Variants in MEI1 observed in about 807,000 individuals in gnomAD.
MEI1 encodes meiosis inhibitor protein 1.
MEI1 carries 103 observed loss-of-function variants against 146.2 expected under a neutral mutation model. The observed-to-expected ratio is 0.70, with a 90% CI of 0.60 to 0.83. The LOEUF is 0.83. Among genes scored for constraint, MEI1 ranks in the 40% least tolerant of loss-of-function variants. MEI1 has a pLI of 0.00. For missense variants in MEI1, 1,529 were observed against 1,533.0 expected, an observed-to-expected ratio of 1.00 and a Z score of 0.04; for synonymous variants, 652 against 628.2, an observed-to-expected ratio of 1.04 and a Z score of -0.57.
chr22:41,751,890 T>G (rs2073779028), intron 15 of MEI1, among the ~76,000 whole-genome samples: 1 of 150,310 alleles, frequency 6.7e-6, no homozygotes, highest in Admixed American at 6.6e-5. Flanking sequence ...GCCAACATGG[T>G]GAAACCCCAT....
At chr22:41,717,947 G>A (rs2070365158) in intron 5 of MEI1, 124 bp from the exon 6 acceptor site, 1 of 803,452 alleles carries the variant, frequency 1.2e-6, no homozygotes, top group South Asian at 2.1e-5. Context: ...CATGCAGAAA[G>A]CATTTTTTGT....
At chr22:41,725,411 C>T (rs1042966653) in intron 7 of MEI1, among the ~76,000 whole-genome samples, 13 of 152,096 alleles carry the variant, frequency 8.5e-5, no homozygotes, top group African/African-American at 2.7e-4. Flanking sequence ...CAGGCCCAGC[C>T]GTAAATTCTT....
rs774358119 is a variant in MEI1, at chr22:41,699,507, G to C, written c.-32G>C. 6.3e-7 allele frequency: 1 copy of C among 1,589,930 alleles called. No individual in the cohort carries two copies. The highest frequency in any genetic ancestry group is 8.6e-7 in the Non-Finnish European group (1 of 1,168,214). ...GCATGCGTGCAGTCTGCGCGGGAAA[G>C]AGTGCCGCCTCAGCTGAGGGCAAGC... On this transcript the variant is annotated 5_prime_UTR_variant, in exon 1 of 31. Coordinates refer to ENST00000401548, the MANE Select transcript of MEI1 (RefSeq NM_152513.4).
intron 7 of MEI1, among the ~76,000 whole-genome samples, chr22:41,728,981 T>C (rs1362052381): frequency 1.3e-5 from 2 of 151,616 alleles, no homozygotes; most frequent in Non-Finnish European, 2.9e-5. Flanking sequence ...CTGGCCAATA[T>C]GGTGAAACCC....
chr22:41,747,001 T>A (rs536711379), intron 14 of MEI1, among the ~76,000 whole-genome samples: 1 of 152,258 alleles, frequency 6.6e-6, no homozygotes, highest in African/African-American at 2.4e-5. Context: ...TCCTTCTTTC[T>A]ACTTTTCTGT....
intron 4 of MEI1, among the ~76,000 whole-genome samples, chr22:41,715,571 A>G (rs2070064932): frequency 6.6e-6 from 1 of 151,510 alleles, no homozygotes; most frequent in Non-Finnish European, 1.5e-5. Context: ...AATTTTTTGT[A>G]CTTTTAGTAG....
Position 41,745,026 on chromosome 22 carries a change from C to G in MEI1, c.1500C>G (p.Phe500Leu), listed in dbSNP as rs749285153. 4 of 1,565,928 alleles carry G rather than the reference C, an allele frequency of 2.6e-6. No individual in the cohort carries two copies. Among genetic ancestry groups the G allele is most frequent in the Non-Finnish European group, 3.5e-6 (4 of 1,154,668 alleles). The change falls in exon 13 of 31, where the codon TTC becomes TTG. Residue 500 changes from phenylalanine to leucine, a missense_variant. Phe to Leu is a conservative substitution (Grantham distance 22). Around this residue, in one of 3 missense-constraint regions of MEI1, gnomAD observed 1,212 missense variants for 1,178.9 expected, o/e 1.03. Transcript: ENST00000401548. ...SEKAILQRGK[F>L]LLSTLEGFRS... ...AGGCCATTCTTCAAAGGGGAAAGTTCCTCCTCAGCACTCTGGAGGGATTTA... is the reference window on the plus strand; with the variant it reads ...AGGCCATTCTTCAAAGGGGAAAGTTGCTCCTCAGCACTCTGGAGGGATTTA...
At chr22:41,762,549 GA>G (rs766703146) in intron 18 of MEI1, among the ~76,000 whole-genome samples, 13,430 of 128,664 alleles carry the variant, frequency 0.1, 1,289 homozygotes, top group Middle Eastern at 0.24. Context: ...TAATTTAACT[GA>G]TTTTTTTTTT....
chr22:41,701,096 C>G (rs982535000), intron 1 of MEI1, among the ~76,000 whole-genome samples: 1 of 151,954 alleles, frequency 6.6e-6, no homozygotes, highest in Non-Finnish European at 1.5e-5. Context: ...TGCGTCACTA[C>G]GCCCAGCTAA....
intron 21 of MEI1, 99 bp from the exon 22 acceptor site, chr22:41,778,609 T>C (rs2075592441): frequency 1.1e-6 from 1 of 875,968 alleles, no homozygotes; most frequent in African/African-American, 1.7e-5. Flanking sequence ...CAAAAAACTT[T>C]GAACCTGTTA....
At chr22:41,703,533 A>G in intron 2 of MEI1, 79 bp downstream of exon 2, 1 of 1,308,298 alleles carries the variant, frequency 7.6e-7, no homozygotes, top group Middle Eastern at 2.0e-4. Flanking sequence ...TGGAAAAATG[A>G]TCTTAGATGA....
chr22:41,748,890 G>C (rs1180257653), intron 15 of MEI1, among the ~76,000 whole-genome samples: 1 of 151,412 alleles, frequency 6.6e-6, no homozygotes, highest in Non-Finnish European at 1.5e-5. Flanking sequence ...TGCCAGCTTC[G>C]CCTCCCAGGT....
At chr22:41,742,540 T>G (rs1320329719) in intron 11 of MEI1, among the ~76,000 whole-genome samples, 1 of 152,144 alleles carries the variant, frequency 6.6e-6, no homozygotes, top group African/African-American at 2.4e-5. Context: ...TCGAATTTGA[T>G]CCCCATAATA....
In MEI1 at chr22:41,729,761, A is replaced by G. The variant is rs1555938664; in HGVS notation, c.961A>G (p.Ile321Val). ...HSPAKHASAF[I>V]HADIPEFLFE... ...CCCAGCAAAGCATGCGTCAGCCTTCATCCACGCTGACATCCCAGGTAGGGG... is the reference window on the plus strand; with the variant it reads ...CCCAGCAAAGCATGCGTCAGCCTTCGTCCACGCTGACATCCCAGGTAGGGG... Residue 321 changes from isoleucine to valine, a missense_variant, in exon 8 of 31, where the codon ATC (isoleucine) becomes GTC (valine). Around this residue, in one of 3 missense-constraint regions of MEI1, gnomAD observed 1,212 missense variants for 1,178.9 expected, o/e 1.03. Transcript: ENST00000401548. 1 of 1,607,818 alleles carries G rather than the reference A, an allele frequency of 6.2e-7. No individual in the cohort carries two copies.
intron 19 of MEI1, among the ~76,000 whole-genome samples, chr22:41,765,322 T>C (rs1182866275): frequency 6.6e-6 from 1 of 151,894 alleles, no homozygotes; most frequent in Non-Finnish European, 1.5e-5. Flanking sequence ...AGCCAGAAAA[T>C]TTTTAAAAAT....
At chr22:41,722,285 A>G (rs1451062439) in intron 6 of MEI1, among the ~76,000 whole-genome samples, 1 of 151,386 alleles carries the variant, frequency 6.6e-6, no homozygotes, top group Non-Finnish European at 1.5e-5. Flanking sequence ...GATCCTCATA[A>G]GTTCTTATTT....
At position 41,709,483 on chromosome 22, in the gene MEI1, G is replaced by A. The variant is rs1472951383; in HGVS notation, c.349+3929G>A. The A allele has an allele frequency of 2.2e-5, 14 of 642,710 alleles. No homozygotes were observed. In the East Asian group the frequency reaches 4.7e-4, roughly 22 times the overall value. The allele number at this position is 642,710 out of a possible 1,614,324, so 39.8% of individuals were successfully genotyped here. The stretch of plus-strand genomic sequence containing the variant: ...AGCATCACCTTCAGCCTTTGTCTTG[G>A]GCATGGTGGCAGCAGCGACGGCAGC... On this transcript the variant is annotated intron_variant, in intron 3 of 30. Coordinates refer to ENST00000401548, the MANE Select transcript of MEI1 (RefSeq NM_152513.4).
chr22:41,738,696 A>G (rs997043091), intron 11 of MEI1, among the ~76,000 whole-genome samples: 5 of 151,504 alleles, frequency 3.3e-5, no homozygotes, highest in African/African-American at 1.2e-4. Context: ...CACTTGAACC[A>G]GGGAGTTGGA....
chr22:41,715,912 A>C, intron 4 of MEI1, 129 bp from the exon 5 acceptor site: 1 of 665,148 alleles, frequency 1.5e-6, no homozygotes, highest in Non-Finnish European at 2.6e-6. Context: ...TAAGCTAAAA[A>C]AGCTGATTGC....
Sources: gnomAD v4.1 joint callset for allele counts (sites outside exome capture counted in the v4.1 genomes callset) on GRCh38, gnomAD v4.1.1 for gene constraint, gnomAD v4.1.1 regional missense constraint, MANE v1.5 for transcripts, NCBI Gene and HGNC (gene_info 2026-07-23, HGNC 2026-07-21) for gene names.